Variants in OPRM1 observed in about 807,000 individuals in gnomAD.
OPRM1 encodes opioid receptor mu 1.
A neutral mutation model predicts 31.8 loss-of-function variants in OPRM1; 27 were observed. The ratio of observed to expected loss-of-function variants is 0.85; its 90% CI spans 0.63 to 1.17. OPRM1 has a LOEUF of 1.17. Ranked by LOEUF, OPRM1 falls within the 50% of genes most tolerant of loss-of-function variation. The pLI, the probability that OPRM1 is intolerant of heterozygous loss-of-function variation, is 0.00. For synonymous variants in OPRM1, 196 were observed against 189.9 expected, an observed-to-expected ratio of 1.03 and a Z score of -0.26; for missense variants, 536 against 511.1, an observed-to-expected ratio of 1.05 and a Z score of -0.47.
chr6:154,159,776 C>A (rs1248514782), intron 3 of OPRM1: 1 of 1,410,136 alleles, frequency 7.1e-7, no homozygotes, highest in African/African-American at 1.4e-5. Flanking sequence ...TTTGCAACAT[C>A]TTGAAGAGTT....
At chr6:154,043,489 G>A (rs1780482703) in intron 1 of OPRM1, among the ~76,000 whole-genome samples, 1 of 151,622 alleles carries the variant, frequency 6.6e-6, no homozygotes, top group African/African-American at 2.4e-5. Flanking sequence ...CTACAAATTA[G>A]TGAACAATAA....
chr6:154,054,234 C>T (rs1004939459), intron 1 of OPRM1, among the ~76,000 whole-genome samples: 12 of 151,910 alleles, frequency 7.9e-5, no homozygotes, highest in South Asian at 4.2e-4. Context: ...CCGGGCATGG[C>T]GGCATGCACC....
Position 154,123,172 on chromosome 6 carries a change from T to A in OPRM1, c.*4451T>A, listed in dbSNP as rs1432967294. Among the ~76,000 whole-genome samples the A allele has an allele frequency of 6.6e-6, 1 of 152,202 alleles. No individual in the cohort carries two copies. The highest frequency in any genetic ancestry group is 1.9e-4 in the East Asian group (1 of 5,202). ...CTTCTCTTATCTGAAAAGCTGTCTGTACAACTGCCTCTATCTATGCAGCTA... is the reference window on the plus strand; with the variant it reads ...CTTCTCTTATCTGAAAAGCTGTCTGAACAACTGCCTCTATCTATGCAGCTA... On this transcript the variant is annotated 3_prime_UTR_variant, in exon 4 of 4. Transcript: ENST00000330432.
intron 1 of OPRM1, among the ~76,000 whole-genome samples, chr6:154,053,712 C>T (rs1782644174): frequency 1.3e-5 from 2 of 152,172 alleles, no homozygotes; most frequent in Admixed American, 6.5e-5. Flanking sequence ...AATGACTGCC[C>T]TTTGATCTGC....
upstream of OPRM1, among the ~76,000 whole-genome samples, chr6:154,036,533 G>A (rs893001866): frequency 6.6e-6 from 1 of 151,838 alleles, no homozygotes; most frequent in Non-Finnish European, 1.5e-5. Context: ...TCTAGAAAAG[G>A]GCAATGGGAA....
intron 3 of OPRM1, chr6:154,110,524 G>A (rs1189877814): frequency 5.2e-5 from 37 of 718,116 alleles, no homozygotes; most frequent in Non-Finnish European, 8.4e-5. Flanking sequence ...CATGGCTTAA[G>A]GGTTGCTTAT....
At chr6:154,215,117 A>G (rs1008955693) in intron 3 of OPRM1, among the ~76,000 whole-genome samples, 2 of 152,174 alleles carry the variant, frequency 1.3e-5, no homozygotes, top group African/African-American at 4.8e-5. Flanking sequence ...ACGTTTATCA[A>G]TTCGTCTATG....
intron 1 of OPRM1, among the ~76,000 whole-genome samples, chr6:154,083,153 C>T (rs1462662302): frequency 6.6e-6 from 1 of 152,162 alleles, no homozygotes; most frequent in Non-Finnish European, 1.5e-5. Flanking sequence ...ATCTCTCGTT[C>T]CATTTCCTTT....
At position 154,119,311 on chromosome 6, in the gene OPRM1, T is replaced by A; in HGVS notation, c.*590T>A. ...ATAACATCTCTTTCATCTAGCTCCATAATTGCAAGGGAAGAGATTAGCATG... is the reference window on the plus strand; with the variant it reads ...ATAACATCTCTTTCATCTAGCTCCAAAATTGCAAGGGAAGAGATTAGCATG... On this transcript the variant is annotated 3_prime_UTR_variant, in exon 4 of 4. Transcript: ENST00000330432. The A allele has an allele frequency of 1.0e-6, 1 of 985,466 alleles. No homozygotes were observed. The allele number at this position is 985,466 out of a possible 1,614,324, so 61.0% of individuals were successfully genotyped here. A position where few individuals can be genotyped will look rare whatever the true frequency, so the allele number is the denominator to read the frequency against.
At chr6:154,028,978 A>G in intron 1 of OPRM1, among the ~76,000 whole-genome samples, 1 of 151,858 alleles carries the variant, frequency 6.6e-6, no homozygotes, top group Non-Finnish European at 1.5e-5. Context: ...TTGTGTAGAT[A>G]GTTGTTAAAC....
intron 1 of OPRM1, among the ~76,000 whole-genome samples, chr6:154,087,971 C>G (rs920248495): frequency 1.1e-4 from 17 of 151,868 alleles, no homozygotes. Flanking sequence ...GATACTTACC[C>G]AGGAGGAAGA....
upstream of OPRM1, chr6:154,038,969 A>G: frequency 1.7e-6 from 1 of 580,940 alleles, no homozygotes; most frequent in East Asian, 3.1e-5. Flanking sequence ...CAAAATTGGC[A>G]GTAGGGATGG....
At chr6:154,195,847 A>G (rs973860756) in intron 3 of OPRM1, among the ~76,000 whole-genome samples, 6 of 146,332 alleles carry the variant, frequency 4.1e-5, no homozygotes, top group African/African-American at 1.3e-4. Flanking sequence ...GCTGGGGTGC[A>G]GTGGTGCAAT....
At chr6:154,024,329 GCTGCT>G (rs1164938476) in intron 1 of OPRM1, among the ~76,000 whole-genome samples, 1 of 151,972 alleles carries the variant, frequency 6.6e-6, no homozygotes, top group African/African-American at 2.4e-5. Flanking sequence ...TTGGCATATA[GCTGCT>G]CATAGTAGCC....
chr6:154,172,509 T>C (rs571558660), intron 3 of OPRM1, among the ~76,000 whole-genome samples: 54 of 152,236 alleles, frequency 3.5e-4, no homozygotes, highest in African/African-American at 1.3e-3. Context: ...GCTCGGTGGG[T>C]CCCACACCCA....
chr6:154,050,459 G>A (rs1055934324), intron 1 of OPRM1, among the ~76,000 whole-genome samples: 3 of 152,158 alleles, frequency 2.0e-5, no homozygotes, highest in African/African-American at 7.2e-5. Context: ...AACATGGATG[G>A]AACTAGAGAT....
chr6:154,161,004 T>G (rs1412136681), intron 3 of OPRM1, among the ~76,000 whole-genome samples: 2 of 152,240 alleles, frequency 1.3e-5, no homozygotes, highest in East Asian at 3.9e-4. Flanking sequence ...CTGGCACCAT[T>G]TGTTGATACT....
chr6:154,036,960 C>T (rs1394469118), upstream of OPRM1, among the ~76,000 whole-genome samples: 6 of 151,690 alleles, frequency 4.0e-5, no homozygotes, highest in South Asian at 2.1e-4. Flanking sequence ...AACCTTATTA[C>T]GGAGTACAAA....
intron 3 of OPRM1, among the ~76,000 whole-genome samples, chr6:154,113,900 G>A (rs1393254885): frequency 6.6e-6 from 1 of 152,124 alleles, no homozygotes; most frequent in Non-Finnish European, 1.5e-5. Flanking sequence ...GCACCTCCAG[G>A]GTCTAAGGTG....
Sources: allele counts gnomAD v4.1 joint callset (sites outside exome capture counted in the v4.1 genomes callset), GRCh38; gene constraint gnomAD v4.1.1; transcripts MANE v1.5; gene names NCBI Gene and HGNC (gene_info 2026-07-23, HGNC 2026-07-21).